Variants in PRELID2 observed in about 807,000 individuals in gnomAD.
The protein encoded by PRELID2 is PRELI domain-containing protein 2.
PRELID2 carries 25 observed loss-of-function variants against 28.4 expected under a neutral mutation model. That is an observed-to-expected ratio of 0.88 (90% CI 0.64 to 1.23). The LOEUF (loss-of-function observed/expected upper bound fraction) is 1.23. PRELID2 is among the 50% of genes most tolerant of loss of function. The probability of loss-of-function intolerance (pLI) is 0.00; values close to 1 mark genes in which losing one functional copy is unlikely to be tolerated. For missense variants in PRELID2, 201 were observed against 214.4 expected (o/e 0.94, Z 0.39); for synonymous variants, 76 against 71.6 (o/e 1.06, Z -0.31).
chr5:145,374,907 T>C, the PRELID2 span, among the ~76,000 whole-genome samples: 17 of 152,182 alleles, frequency 1.1e-4, no homozygotes, highest in African/African-American at 3.9e-4. Flanking sequence ...GTTCTTAGCT[T>C]CTTTGCATTG....
chr5:145,532,302 T>C (rs925248207), intron 1 of PRELID2, among the ~76,000 whole-genome samples: 4 of 152,130 alleles, frequency 2.6e-5, no homozygotes, highest in African/African-American at 9.7e-5. Flanking sequence ...AGATCATCGA[T>C]GTAAGACTCT....
chr5:145,621,169 A>T (rs1386629394), intron 1 of PRELID2, among the ~76,000 whole-genome samples: 1 of 152,236 alleles, frequency 6.6e-6, no homozygotes, highest in Non-Finnish European at 1.5e-5. Context: ...AATGGCTAAG[A>T]AGCACATGAA....
At chr5:145,372,030 T>C in the PRELID2 span, among the ~76,000 whole-genome samples, 1 of 152,032 alleles carries the variant, frequency 6.6e-6, no homozygotes, top group South Asian at 2.1e-4. Context: ...CTCTTTTAAT[T>C]GTGATGTTAG....
the PRELID2 span, among the ~76,000 whole-genome samples, chr5:145,443,443 C>CA: frequency 6.6e-6 from 1 of 152,000 alleles, no homozygotes; most frequent in Non-Finnish European, 1.5e-5. Flanking sequence ...ATGAGGCCAA[C>CA]ATGATAGAAC....
intron 1 of PRELID2, among the ~76,000 whole-genome samples, chr5:145,623,256 C>T (rs1351084052): frequency 1.6e-4 from 24 of 151,414 alleles, no homozygotes; most frequent in Admixed American, 1.4e-3. Context: ...TGAGACCAGC[C>T]GGCCAACATG....
the PRELID2 span, among the ~76,000 whole-genome samples, chr5:145,419,240 T>C: frequency 4.1e-5 from 6 of 146,600 alleles, 1 homozygote; most frequent in South Asian, 2.2e-4. Flanking sequence ...TTTGGGTATA[T>C]ACCCAGTAAT....
intron 1 of PRELID2, among the ~76,000 whole-genome samples, chr5:145,483,337 C>T (rs1308437493): frequency 1.3e-5 from 2 of 152,092 alleles, no homozygotes; most frequent in Admixed American, 6.6e-5. Flanking sequence ...GTTTTGGATC[C>T]CCAGAGCCAC....
At chr5:145,832,102 A>T (rs909838944) in intron 1 of PRELID2, among the ~76,000 whole-genome samples, 2 of 152,248 alleles carry the variant, frequency 1.3e-5, no homozygotes, top group Admixed American at 1.3e-4. Context: ...CAGGGTCAAC[A>T]GGTCCACTTA....
At chr5:145,264,158 A>G in the PRELID2 span, among the ~76,000 whole-genome samples, 1 of 152,154 alleles carries the variant, frequency 6.6e-6, no homozygotes, top group African/African-American at 2.4e-5. Flanking sequence ...ATAAGCCAGT[A>G]TCACCCTAAT....
chr5:145,401,223 C>CT, the PRELID2 span, among the ~76,000 whole-genome samples: 2,108 of 145,352 alleles, frequency 0.015, 21 homozygotes, highest in African/African-American at 0.025. Context: ...TCTAGGATTT[C>CT]TTTTTTTTTT....
the PRELID2 span, among the ~76,000 whole-genome samples, chr5:145,446,857 G>T: frequency 6.6e-6 from 1 of 151,932 alleles, no homozygotes; most frequent in Non-Finnish European, 1.5e-5. Flanking sequence ...GACCAGCCTG[G>T]CCAACATAGT....
intron 1 of PRELID2, among the ~76,000 whole-genome samples, chr5:145,533,480 C>T (rs1377622456): frequency 6.6e-6 from 1 of 152,074 alleles, no homozygotes; most frequent in South Asian, 2.1e-4. Flanking sequence ...GAATAACTCT[C>T]TTTGAGCAGA....
chr5:145,603,563 G>A (rs1264117170), intron 1 of PRELID2, among the ~76,000 whole-genome samples: 1 of 152,052 alleles, frequency 6.6e-6, no homozygotes, highest in Non-Finnish European at 1.5e-5. Flanking sequence ...CAATTACCAA[G>A]GGTGATCTCG....
the PRELID2 span, among the ~76,000 whole-genome samples, chr5:145,265,190 T>C: frequency 1.3e-5 from 2 of 151,608 alleles, no homozygotes; most frequent in African/African-American, 2.4e-5. Flanking sequence ...AATCAACAAC[T>C]CATCACCTTT....
chr5:145,479,867 C>A (rs1752141208), intron 1 of PRELID2, among the ~76,000 whole-genome samples: 2 of 152,028 alleles, frequency 1.3e-5, no homozygotes, highest in African/African-American at 2.4e-5. Context: ...GTAAGATAAC[C>A]CCAGAGAACT....
At chr5:145,289,113 A>G in the PRELID2 span, among the ~76,000 whole-genome samples, 2 of 151,856 alleles carry the variant, frequency 1.3e-5, no homozygotes, top group East Asian at 3.9e-4. Context: ...TTTGCATTCT[A>G]TCCTGGGCTC....
intron 1 of PRELID2, among the ~76,000 whole-genome samples, chr5:145,646,786 G>C (rs911453642): frequency 6.6e-6 from 1 of 152,188 alleles, no homozygotes; most frequent in African/African-American, 2.4e-5. Flanking sequence ...TCTGCCGCAG[G>C]TCTGCTGGAG....
chr5:145,765,315 A>G (rs1757679698), intron 5 of PRELID2, among the ~76,000 whole-genome samples: 1 of 152,160 alleles, frequency 6.6e-6, no homozygotes, highest in Non-Finnish European at 1.5e-5. Context: ...CTAGAATGAT[A>G]ATGGCAGTAG....
At chr5:145,246,384 T>C in the PRELID2 span, among the ~76,000 whole-genome samples, 4 of 152,108 alleles carry the variant, frequency 2.6e-5, no homozygotes, top group Non-Finnish European at 5.9e-5. Flanking sequence ...GCTTCAAGGC[T>C]CTTACATTCA....
Sources: allele counts gnomAD v4.1 joint callset (sites outside exome capture counted in the v4.1 genomes callset), GRCh38; gene constraint gnomAD v4.1.1; transcripts MANE v1.5; gene names NCBI Gene and HGNC (gene_info 2026-07-23, HGNC 2026-07-21).